TRABD2B: variants seen among roughly 807,000 people sequenced by gnomAD.
TRABD2B encodes the protein metalloprotease TIKI2.
In TRABD2B, 14 loss-of-function variants were observed where a neutral mutation model predicts 40.1. The ratio of observed to expected loss-of-function variants is 0.35; its 90% CI spans 0.23 to 0.55. The LOEUF is 0.55. Among genes scored for constraint, TRABD2B ranks in the 20% least tolerant of loss-of-function variants. The pLI is 0.90. For synonymous variants in TRABD2B, 263 were observed against 277.0 expected (o/e 0.95, Z 0.50); for missense variants, 541 against 648.6 (o/e 0.83, Z 1.80).
intron 2 of TRABD2B, among the ~76,000 whole-genome samples, chr1:47,940,764 G>A (rs1645174655): frequency 6.6e-6 from 1 of 152,230 alleles, no homozygotes; most frequent in African/African-American, 2.4e-5. Context: ...ACAGAGGCAG[G>A]ATGCAGGAAT....
At chr1:47,977,783 T>A (rs1200116799) in intron 2 of TRABD2B, among the ~76,000 whole-genome samples, 2 of 151,654 alleles carry the variant, frequency 1.3e-5, no homozygotes, top group East Asian at 1.9e-4. Flanking sequence ...AAAGTATGCC[T>A]CTGGATTCTG....
intron 2 of TRABD2B, among the ~76,000 whole-genome samples, chr1:47,871,386 A>C (rs912655791): frequency 1.3e-5 from 2 of 152,190 alleles, no homozygotes; most frequent in Non-Finnish European, 2.9e-5. Flanking sequence ...ATCTGACAGG[A>C]GGCAAGTTGG....
At chr1:47,942,217 G>T (rs147926933) in intron 2 of TRABD2B, among the ~76,000 whole-genome samples, 1,947 of 152,262 alleles carry the variant, frequency 0.013, 24 homozygotes, top group Non-Finnish European at 0.016. Flanking sequence ...AGAGTCCCCA[G>T]TACCCCATTC....
chr1:47,965,659 C>T (rs1298446182), intron 2 of TRABD2B, among the ~76,000 whole-genome samples: 1 of 152,180 alleles, frequency 6.6e-6, no homozygotes, highest in African/African-American at 2.4e-5. Context: ...GACATCACAC[C>T]TCTCTTCCCA....
At chr1:47,824,152 G>T (rs2124421596) in intron 2 of TRABD2B, among the ~76,000 whole-genome samples, 1 of 152,250 alleles carries the variant, frequency 6.6e-6, no homozygotes, top group Non-Finnish European at 1.5e-5. Context: ...TTGCTGTGAG[G>T]GTCAGTGACA....
chr1:47,991,366 C>A (rs1467582047), intron 2 of TRABD2B, among the ~76,000 whole-genome samples: 4 of 152,136 alleles, frequency 2.6e-5, no homozygotes, highest in Admixed American at 2.6e-4. Flanking sequence ...TGAATGATGA[C>A]CTCATCTCAG....
At position 47,760,596 on chromosome 1, in the gene TRABD2B, G is replaced by A. The variant is rs373606126; in HGVS notation, c.*5306C>T. On this transcript the variant is annotated 3_prime_UTR_variant, in exon 7 of 7. Coordinates refer to ENST00000606738, the MANE Select transcript of TRABD2B (RefSeq NM_001194986.2). ...TATTTTTGGCAAAATAACATTAATA[G>A]CATCTTTCTTTGTCTTCTATTTATA... 1 of 152,150 alleles carries A rather than the reference G, an allele frequency of 6.6e-6. No individual in the cohort carries two copies. The highest frequency in any genetic ancestry group is 2.1e-4 in the South Asian group (1 of 4,812). The allele number at this position is 152,150 out of a possible 1,614,324, so 9.4% of individuals were successfully genotyped here.
intron 2 of TRABD2B, among the ~76,000 whole-genome samples, chr1:47,831,073 G>GTCGCTGGA (rs4031117): frequency 0.96 from 146,378 of 152,148 alleles, 70,688 homozygotes; most frequent in East Asian, 1. Flanking sequence ...GTCCTTGGTT[G>GTCGCTGGA]CCACGTGTCC....
At chr1:47,787,682 G>T (rs1404061763) in intron 4 of TRABD2B, among the ~76,000 whole-genome samples, 1 of 152,220 alleles carries the variant, frequency 6.6e-6, no homozygotes, top group African/African-American at 2.4e-5. Context: ...CTCCCACCAT[G>T]GGGGCAGAAG....
intron 2 of TRABD2B, among the ~76,000 whole-genome samples, chr1:47,911,882 G>T (rs1358463829): frequency 6.6e-6 from 1 of 152,226 alleles, no homozygotes; most frequent in Non-Finnish European, 1.5e-5. Context: ...TGACACGCAG[G>T]TTTCATGCCT....
chr1:47,873,928 T>C (rs1032766525), intron 2 of TRABD2B, among the ~76,000 whole-genome samples: 2 of 152,166 alleles, frequency 1.3e-5, no homozygotes, highest in African/African-American at 4.8e-5. Context: ...TGTAAGAACA[T>C]GGGTTATGAG....
At chr1:47,955,888 A>T (rs1221338115) in intron 2 of TRABD2B, among the ~76,000 whole-genome samples, 2 of 152,182 alleles carry the variant, frequency 1.3e-5, no homozygotes, top group Non-Finnish European at 2.9e-5. Context: ...GATTTCAGTT[A>T]TACCTGCAAG....
At chr1:47,858,543 A>G (rs958956122) in intron 2 of TRABD2B, among the ~76,000 whole-genome samples, 1 of 152,218 alleles carries the variant, frequency 6.6e-6, no homozygotes, top group Admixed American at 6.5e-5. Context: ...ACAGGGGTAA[A>G]CCACCACACC....
intron 2 of TRABD2B, among the ~76,000 whole-genome samples, chr1:47,899,381 A>C (rs890783788): frequency 2.0e-5 from 3 of 152,228 alleles, no homozygotes; most frequent in Non-Finnish European, 4.4e-5. Flanking sequence ...TCAGTAAGGC[A>C]AGAAGGACCT....
intron 2 of TRABD2B, among the ~76,000 whole-genome samples, chr1:47,961,631 A>G (rs1367870239): frequency 6.6e-6 from 1 of 152,246 alleles, no homozygotes; most frequent in African/African-American, 2.4e-5. Flanking sequence ...ATCACTGGCC[A>G]TCAGAGAAAT....
In TRABD2B at chr1:47,994,663, A is replaced by G. The variant is rs953999639; in HGVS notation, c.103-66T>C. 4 of 1,420,580 alleles carry G rather than the reference A, an allele frequency of 2.8e-6. No individual in the cohort carries two copies. The African/African-American group carries it at 5.7e-5, about 20-fold the overall frequency. 88.0% of individuals were successfully genotyped at this position (1,420,580 alleles called of 1,614,324 possible). On this transcript the variant is annotated intron_variant, in intron 1 of 6. Transcript: ENST00000606738. The surrounding 1 kb of genome is among the most constrained non-coding windows in gnomAD (Gnocchi z 6.7). ...CAACAGAGTAGAGTCAGGGTAGCCCAGAGGCACGTTGCAGAGGGAGGTGGG... is the reference window on the plus strand; with the variant it reads ...CAACAGAGTAGAGTCAGGGTAGCCCGGAGGCACGTTGCAGAGGGAGGTGGG...
intron 2 of TRABD2B, among the ~76,000 whole-genome samples, chr1:47,925,724 C>T (rs1381921498): frequency 6.6e-6 from 1 of 152,200 alleles, no homozygotes; most frequent in African/African-American, 2.4e-5. Flanking sequence ...TTTCTCTGAG[C>T]ACTTACTACA....
intron 2 of TRABD2B, among the ~76,000 whole-genome samples, chr1:47,975,168 T>G (rs900037653): frequency 6.6e-6 from 1 of 152,304 alleles, no homozygotes; most frequent in East Asian, 1.9e-4. Flanking sequence ...TTAATAATGA[T>G]GTATCAGGTT....
Position 47,764,998 on chromosome 1 carries a change from CCT to C in TRABD2B, c.*902_*903del, listed in dbSNP as rs1644284988. 6.6e-6 allele frequency: 1 copy of C among 152,200 alleles called. No homozygotes were observed. Among genetic ancestry groups the C allele is most frequent in the Non-Finnish European group, 1.5e-5 (1 of 68,056 alleles). The allele number at this position is 152,200 out of a possible 1,614,324, so 9.4% of individuals were successfully genotyped here. ...ATTAACATCATGTGAGGCCTAAGCC[CCT>C]GTCTCTAAAACTGCCCTCCTGTGCC... On this transcript the variant is annotated 3_prime_UTR_variant, in exon 7 of 7. Transcript: ENST00000606738.
Sources: allele counts gnomAD v4.1 joint callset (sites outside exome capture counted in the v4.1 genomes callset), GRCh38; gene constraint gnomAD v4.1.1; non-coding constraint Gnocchi (gnomAD v3.1); transcripts MANE v1.5; gene names NCBI Gene and HGNC (gene_info 2026-07-23, HGNC 2026-07-21).